CHD8: variants seen among roughly 807,000 people sequenced by gnomAD.
The protein encoded by CHD8 is ATP-dependent chromatin remodeler CHD8.
In CHD8, 31 loss-of-function variants were observed where a neutral mutation model predicts 279.2. The ratio of observed to expected loss-of-function variants is 0.11; its 90% CI spans 0.08 to 0.15. The LOEUF is 0.15. Ranked by LOEUF, CHD8 falls within the 10% of genes least tolerant of loss-of-function variation. CHD8 has a pLI of 1.00. For missense variants in CHD8, 2,146 were observed against 3,230.5 expected (o/e 0.66, Z 8.14); for synonymous variants, 1,081 against 1,139.6 (o/e 0.95, Z 1.04).
At position 21,437,220 on chromosome 14, in the gene CHD8, G is replaced by A. The variant is rs1889822577; in HGVS notation, c.-215-5362C>T. The A allele has an allele frequency of 1.4e-5, 16 of 1,183,514 alleles. 1 individual carries two copies. In the East Asian group the frequency reaches 1.8e-4, roughly 13 times the overall value. The allele number at this position is 1,183,514 out of a possible 1,614,324, so 73.3% of individuals were successfully genotyped here. Reference sequence around the variant, plus strand: ...TGCAGTGGCTGTGGGGGGCCGGTTCGCCCCTCTCCCTGTCTCTCCAGCACC... The same window carrying A: ...TGCAGTGGCTGTGGGGGGCCGGTTCACCCCTCTCCCTGTCTCTCCAGCACC... On this transcript the variant is annotated intron_variant, in intron 1 of 37. Transcript: ENST00000646647.
In CHD8 at chr14:21,394,098, T is replaced by C. The variant is rs762912685; in HGVS notation, c.5697A>G (p.Gln1899=). ...RIELLRRLRE[Q]VLCHPLLEDR... Reference sequence around the variant, plus strand: ...CTTCCAAAAGGGGGTGGCATAAAACTTGTTCCCGTAAGCGCCGAAGCAATT... The same window carrying C: ...CTTCCAAAAGGGGGTGGCATAAAACCTGTTCCCGTAAGCGCCGAAGCAATT... Residue 1899 remains glutamine (Q), a synonymous_variant, in exon 32 of 38, where the codon CAA becomes CAG. Coordinates refer to ENST00000646647, the MANE Select transcript of CHD8 (RefSeq NM_001170629.2). 6.2e-7 allele frequency: 1 copy of C among 1,613,842 alleles called. No individual in the cohort carries two copies.
Position 21,400,870 on chromosome 14 carries a change from C to CT in CHD8, c.4370+4dup. ...ACTACCTCTAATGGTAAGTTGGGGT[C>CT]TTACCCATATACCAGGAGATGCTTT... On this transcript the variant is annotated splice_donor_region_variant and intron_variant, in intron 22 of 37. Transcript: ENST00000646647. This position sits in a 1 kb window ranked among gnomAD's most constrained non-coding sequence, Gnocchi z 4.2. 8 of 1,604,424 alleles carry CT rather than the reference C, an allele frequency of 5.0e-6. No homozygotes were observed. The highest frequency in any genetic ancestry group is 6.8e-6 in the Non-Finnish European group (8 of 1,175,302).
intron 1 of CHD8, among the ~76,000 whole-genome samples, chr14:21,449,611 A>G (rs1890211032): frequency 6.6e-6 from 1 of 152,246 alleles, no homozygotes; most frequent in Non-Finnish European, 1.5e-5. Context: ...AGTCTTTAAC[A>G]TCATAACCAT....
At chr14:21,409,631 A>T (rs1888394486) in intron 11 of CHD8, among the ~76,000 whole-genome samples, 1 of 152,222 alleles carries the variant, frequency 6.6e-6, no homozygotes, top group Non-Finnish European at 1.5e-5. Flanking sequence ...ATTTAAAATA[A>T]CCTGGGAAAC....
intron 1 of CHD8, among the ~76,000 whole-genome samples, chr14:21,446,130 T>C (rs1890114247): frequency 1.3e-5 from 2 of 152,116 alleles, no homozygotes; most frequent in Non-Finnish European, 2.9e-5. Flanking sequence ...CAGCAGAGGT[T>C]GCAGTGAGAC....
intron 37 of CHD8, among the ~76,000 whole-genome samples, chr14:21,386,620 A>G (rs530141859): frequency 2.0e-5 from 3 of 151,812 alleles, no homozygotes; most frequent in South Asian, 2.1e-4. Flanking sequence ...GGGGAATCAC[A>G]AGGTCAGGAG....
intron 28 of CHD8, 179 bp from the exon 29 acceptor site, chr14:21,395,531 G>A: frequency 1.7e-6 from 1 of 605,300 alleles, no homozygotes; most frequent in South Asian, 2.1e-5. Context: ...CAAGAAAGTA[G>A]AACCTGAAAG....
Position 21,429,088 on chromosome 14 carries a change from G to C in CHD8, c.1091C>G (p.Pro364Arg), listed in dbSNP as rs768562062. ...VPQPPSSQPQPQQPPSTQPVT... is the reference protein window; with the variant it reads ...VPQPPSSQPQRQQPPSTQPVT... ...TGGCTGGGTGGAGGGTGGCTGCTGG[G>C]GCTGTGGCTGCGATGATGGTGGTTG... The change falls in exon 3 of 38, where the codon CCC (proline) becomes CGC (arginine). Residue 364 changes from proline to arginine, a missense_variant. Transcript: ENST00000646647. The C allele has an allele frequency of 3.7e-6, 6 of 1,613,976 alleles. No individual in the cohort carries two copies. The South Asian group carries it at 6.6e-5, about 18-fold the overall frequency.
intron 1 of CHD8, among the ~76,000 whole-genome samples, chr14:21,444,941 T>C (rs947534736): frequency 1.3e-5 from 2 of 152,178 alleles, no homozygotes; most frequent in Admixed American, 1.3e-4. Context: ...GCTTAATCCA[T>C]AGCTTTTCTT....
At chr14:21,394,604 GCAAA>G in intron 30 of CHD8, 119 bp from the exon 31 acceptor site, 3 of 29,572 alleles carry the variant, frequency 1.0e-4, no homozygotes, top group East Asian at 4.9e-4. Flanking sequence ...GAAAGTAGAC[GCAAA>G]AAAAAAAAAA....
chr14:21,394,871 C>A lies in CHD8; in HGVS notation c.5390+41G>T, dbSNP rs751949728. 1.2e-5 allele frequency: 19 copies of A among 1,597,184 alleles called. No individual in the cohort carries two copies. In the African/African-American group the frequency reaches 2.1e-4, roughly 18 times the overall value. ...ATGGCTTTCAGTATAGGGACCATAACTGAAAACACAGATCAGCACAAGTTC... is the reference window on the plus strand; with the variant it reads ...ATGGCTTTCAGTATAGGGACCATAAATGAAAACACAGATCAGCACAAGTTC... On this transcript the variant is annotated intron_variant, in intron 30 of 37. Coordinates refer to ENST00000646647, the MANE Select transcript of CHD8 (RefSeq NM_001170629.2).
At chr14:21,420,912 A>G (rs1196545333) in intron 5 of CHD8, among the ~76,000 whole-genome samples, 1 of 152,020 alleles carries the variant, frequency 6.6e-6, no homozygotes, top group Non-Finnish European at 1.5e-5. Flanking sequence ...ACAAGCGTGC[A>G]CCACCATGCC....
intron 5 of CHD8, among the ~76,000 whole-genome samples, chr14:21,424,421 T>A (rs1165217612): frequency 6.6e-6 from 1 of 151,654 alleles, no homozygotes; most frequent in Non-Finnish European, 1.5e-5. Flanking sequence ...TATTCTAAAA[T>A]TTTTTTTTGG....
At position 21,385,494 on chromosome 14, in the gene CHD8, C is replaced by T; in HGVS notation, c.*119G>A. The T allele has an allele frequency of 2.2e-6, 3 of 1,368,178 alleles. No individual in the cohort carries two copies. The highest frequency in any genetic ancestry group is 3.0e-5 in the Admixed American group (1 of 33,742). 84.8% of individuals were successfully genotyped at this position (1,368,178 alleles called of 1,614,324 possible). Reference sequence around the variant, plus strand: ...CATTTTTTTTTTTTTTTCCTTTTCACCTCCTGGAGTCCTGGACTTCCCCAC... The same window carrying T: ...CATTTTTTTTTTTTTTTCCTTTTCATCTCCTGGAGTCCTGGACTTCCCCAC... On this transcript the variant is annotated 3_prime_UTR_variant, in exon 38 of 38. Transcript: ENST00000646647.
chr14:21,437,358 G>A (rs573780348), intron 1 of CHD8: 16 of 812,388 alleles, frequency 2.0e-5, no homozygotes, highest in Admixed American at 9.3e-5. Context: ...ACAGCGCAAA[G>A]GGTGGGACTA....
rs573220210 is a variant in CHD8 at position 21,393,506 on chromosome 14, C to G, written c.6289G>C (p.Glu2097Gln). ...TTCTCTTCCTTCTCATCCTCACTCT[C>G]ATCAGTGCTGGAGCTGGAGCTGGAT... ...SSSSSSSSTDESEDEKEEKLT... is the reference protein window; with the variant it reads ...SSSSSSSSTDQSEDEKEEKLT... Residue 2097 changes from glutamate (E) to glutamine (Q), a missense_variant, in exon 32 of 38, where the codon GAG (glutamate) becomes CAG (glutamine). Around this residue, in one of 26 missense-constraint regions of CHD8, gnomAD observed 513 missense variants for 637.6 expected, o/e 0.80. Transcript: ENST00000646647. 34 of 1,585,656 alleles carry G rather than the reference C, an allele frequency of 2.1e-5. No homozygotes were observed. The East Asian group carries it at 7.3e-4, about 34-fold the overall frequency.
At chr14:21,447,881 A>G (rs944225710) in intron 1 of CHD8, among the ~76,000 whole-genome samples, 3 of 152,144 alleles carry the variant, frequency 2.0e-5, no homozygotes, top group South Asian at 4.1e-4. Context: ...TCACTGGCTC[A>G]TGGTCACTAA....
intron 8 of CHD8, 88 bp downstream of exon 8, chr14:21,414,850 G>T (rs982774933): frequency 1.1e-6 from 1 of 923,434 alleles, no homozygotes; most frequent in East Asian, 2.6e-5. Context: ...CTATAAAAAA[G>T]GGACACATTC....
chr14:21,386,540 A>T (rs1887245526), intron 37 of CHD8, among the ~76,000 whole-genome samples: 1 of 152,092 alleles, frequency 6.6e-6, no homozygotes, highest in South Asian at 2.1e-4. Flanking sequence ...AAATGCACAT[A>T]AAAAAAATCA....
Sources: gnomAD v4.1 joint callset for allele counts (sites outside exome capture counted in the v4.1 genomes callset) on GRCh38, gnomAD v4.1.1 for gene constraint, gnomAD v4.1.1 regional missense constraint, Gnocchi (gnomAD v3.1) non-coding constraint, MANE v1.5 for transcripts, NCBI Gene and HGNC (gene_info 2026-07-23, HGNC 2026-07-21) for gene names.